The following DNAH10 variants were observed in gnomAD, a reference collection of about 807,000 sequenced individuals.
The protein encoded by DNAH10 is axonemal beta dynein heavy chain 10.
DNAH10 carries 348 observed loss-of-function variants against 506.6 expected under a neutral mutation model. The observed-to-expected ratio is 0.69, with a 90% CI of 0.63 to 0.75. The LOEUF is 0.75. Ranked by LOEUF, DNAH10 falls within the 30% of genes least tolerant of loss-of-function variation. DNAH10 has a pLI of 0.00. For missense variants in DNAH10, 5,179 were observed against 5,787.1 expected, an observed-to-expected ratio of 0.89 and a Z score of 3.41; for synonymous variants, 2,059 against 2,198.6, an observed-to-expected ratio of 0.94 and a Z score of 1.78.
In DNAH10 at chr12:123,844,611, G is replaced by A. The variant is rs551356885; in HGVS notation, c.5361-989G>A. Among the ~76,000 whole-genome samples the A allele has an allele frequency of 5.3e-5, 8 of 152,310 alleles. No homozygotes were observed. In the South Asian group the frequency reaches 1.7e-3, roughly 32 times the overall value. On this transcript the variant is annotated intron_variant, in intron 30 of 78. Transcript: ENST00000673944. The stretch of plus-strand genomic sequence containing the variant: ...CTGGCCTGCAAACCTGGGCAGTGTG[G>A]TCAGAGATTATGAAATTCTTTGTTG...
intron 24 of DNAH10, among the ~76,000 whole-genome samples, chr12:123,823,779 A>G (rs941407503): frequency 1.3e-5 from 2 of 152,134 alleles, no homozygotes; most frequent in Non-Finnish European, 2.9e-5. Context: ...TCCTTTAGTT[A>G]TTTAAAAATA....
At chr12:123,840,011 A>G (rs1245720662) in intron 29 of DNAH10, among the ~76,000 whole-genome samples, 1 of 152,142 alleles carries the variant, frequency 6.6e-6, no homozygotes, top group South Asian at 2.1e-4. Context: ...CAGCCTGGGC[A>G]GGGGCTCTGA....
In DNAH10 at chr12:123,827,662, C is replaced by G. The variant is rs141128035; in HGVS notation, c.4391+764C>G. ...GTTTTCCAAAGTGTGGTCATCTAGT[C>G]ATGCCATGACATCAAGTGACTTCAT... On this transcript the variant is annotated intron_variant, in intron 25 of 78. Transcript: ENST00000673944. Among the ~76,000 whole-genome samples, 6 of 152,322 alleles carry G rather than the reference C, an allele frequency of 3.9e-5. No individual in the cohort carries two copies. The East Asian group carries it at 9.6e-4, about 24-fold the overall frequency.
intron 41 of DNAH10, 62 bp downstream of exon 41, chr12:123,866,135 A>G: frequency 1.5e-6 from 2 of 1,355,542 alleles, no homozygotes; most frequent in Non-Finnish European, 1.9e-6. Context: ...TGGATAACAT[A>G]GTCCAGAGGG....
chr12:123,881,191 C>A (rs1265317695), intron 50 of DNAH10, among the ~76,000 whole-genome samples: 2 of 152,146 alleles, frequency 1.3e-5, no homozygotes, highest in African/African-American at 4.8e-5. Flanking sequence ...GGGTCAAACA[C>A]TATTTCTAGT....
intron 46 of DNAH10, 33 bp from the exon 47 acceptor site, chr12:123,875,198 A>G (rs771625551): frequency 1.3e-6 from 2 of 1,579,968 alleles, no homozygotes; most frequent in Non-Finnish European, 1.7e-6. Context: ...TTGCGATACT[A>G]CTGTTCTCTT....
At position 123,902,918 on chromosome 12, in the gene DNAH10, AC is replaced by A; in HGVS notation, c.9641-16del. On this transcript the variant is annotated intron_variant, in intron 56 of 78. Transcript: ENST00000673944. This position sits in a 1 kb window ranked among gnomAD's most constrained non-coding sequence, Gnocchi z 4.5. ...TCTCCTCTGAGCCCAAGCTTTACTC[AC>A]CCCCTGTCCTACCCTGCAGCCGAGG... is the stretch of plus-strand genomic sequence containing the variant. 2 of 1,562,646 alleles carry A rather than the reference AC, an allele frequency of 1.3e-6. No homozygotes were observed. Among genetic ancestry groups the A allele is most frequent in the East Asian group, 2.4e-5 (1 of 41,822 alleles).
Position 123,934,602 on chromosome 12 carries a change from C to A in DNAH10, c.13478-19C>A. On this transcript the variant is annotated intron_variant, in intron 77 of 78. Transcript: ENST00000673944. The stretch of plus-strand genomic sequence containing the variant: ...TGTGCATGCTCCAGTTGTATCCAGT[C>A]TCTGCCTTGTGTCCCTAGGATGCTT... 6.2e-7 allele frequency: 1 copy of A among 1,612,524 alleles called. No individual in the cohort carries two copies. Among genetic ancestry groups the A allele is most frequent in the Non-Finnish European group, 8.5e-7 (1 of 1,179,318 alleles).
intron 25 of DNAH10, 55 bp from the exon 26 acceptor site, chr12:123,830,491 G>A (rs151048989): frequency 0.011 from 16,302 of 1,513,216 alleles, 113 homozygotes; most frequent in Non-Finnish European, 0.012. Flanking sequence ...GGGAGTAATT[G>A]AACTCCTCAC....
rs200194723 is a variant in DNAH10 at position 123,914,805 on chromosome 12, C to T, written c.10575-47C>T. ...GTCCTACCACCCTTAGCCCTTGGCT[C>T]ACAAATTGGTGAGAAAAATTCATTT... On this transcript the variant is annotated intron_variant, in intron 61 of 78. Coordinates refer to ENST00000673944, the MANE Select transcript of DNAH10 (RefSeq NM_001372106.1). 70 of 1,598,492 alleles carry T rather than the reference C, an allele frequency of 4.4e-5. No homozygotes were observed. In the African/African-American group the frequency reaches 5.7e-4, roughly 13 times the overall value.
chr12:123,874,387 TTACC>T (rs967965704), intron 46 of DNAH10, among the ~76,000 whole-genome samples: 5 of 151,594 alleles, frequency 3.3e-5, no homozygotes, highest in Admixed American at 2.0e-4. Context: ...CATCTGCTAT[TTACC>T]TACCTATCTG....
chr12:123,921,111 T>G (rs1954700719), intron 65 of DNAH10, among the ~76,000 whole-genome samples: 1 of 152,198 alleles, frequency 6.6e-6, no homozygotes, highest in Non-Finnish European at 1.5e-5. Context: ...CCTACCTGAT[T>G]GCTGGGTTGT....
At position 123,934,753 on chromosome 12, in the gene DNAH10, G is replaced by C. The variant is rs767834723; in HGVS notation, c.13610G>C (p.Arg4537Pro). Residue 4537 changes from arginine (R) to proline (P), a missense_variant, in exon 78 of 79, where the codon CGC (arginine) becomes CCC (proline). This residue lies in a region of DNAH10 where 4,844 missense variants were observed against 5,430.5 expected (regional missense o/e 0.89). Transcript: ENST00000673944. ...ILKIIPIEAH[R>P]LKLQNTFRTP... ...AAGATCATCCCCATTGAAGCCCATC[G>C]CCTCAAGCTGCAGGTGAAGGTCCCA... is the stretch of plus-strand genomic sequence containing the variant. 7 of 1,613,702 alleles carry C rather than the reference G, an allele frequency of 4.3e-6. No individual in the cohort carries two copies. The highest frequency in any genetic ancestry group is 5.1e-6 in the Non-Finnish European group (6 of 1,179,874).
At chr12:123,806,776 T>G (rs1170981863) in intron 18 of DNAH10, among the ~76,000 whole-genome samples, 1 of 151,662 alleles carries the variant, frequency 6.6e-6, no homozygotes, top group Non-Finnish European at 1.5e-5. Context: ...ATGTTTTTTT[T>G]TTTTTTTTTG....
At chr12:123,815,452 A>G (rs1959111814) in intron 21 of DNAH10, among the ~76,000 whole-genome samples, 1 of 152,182 alleles carries the variant, frequency 6.6e-6, no homozygotes, top group African/African-American at 2.4e-5. Flanking sequence ...ACACCATTTT[A>G]TAAACTGTGA....
Position 123,867,908 on chromosome 12 carries a change from C to T in DNAH10, c.7308C>T (p.Thr2436=), listed in dbSNP as rs774286721. 1 of 1,612,748 alleles carries T rather than the reference C, an allele frequency of 6.2e-7. No homozygotes were observed. The highest frequency in any genetic ancestry group is 2.2e-5 in the East Asian group (1 of 44,900). Residue 2436 remains threonine, a synonymous_variant, in exon 43 of 79, where the codon ACC becomes ACT. Transcript: ENST00000673944. The part of the protein sequence containing the change: ...IVPQTDLNMV[T]QLAKMLDALL... ...GATATTTTCCTGTGAACCAGGTAAC[C>T]CAGTTAGCCAAGATGTTGGATGCGT...
chr12:123,897,789 G>T lies in DNAH10; in HGVS notation c.9300G>T (p.Pro3100=), dbSNP rs767718209. The T allele has an allele frequency of 1.9e-6, 3 of 1,607,644 alleles. No homozygotes were observed. Among genetic ancestry groups the T allele is most frequent in the Non-Finnish European group, 1.7e-6 (2 of 1,178,450 alleles). ...KSFLGYNPMI[P]AENIENVVKH... ...CTTCAGGGTATAATCCAATGATCCCGGCAGAAAATATAGAAAATGTGGTGA... is the reference window on the plus strand; with the variant it reads ...CTTCAGGGTATAATCCAATGATCCCTGCAGAAAATATAGAAAATGTGGTGA... Residue 3100 remains proline, a synonymous_variant, in exon 55 of 79, where the codon CCG becomes CCT. Coordinates refer to ENST00000673944, the MANE Select transcript of DNAH10 (RefSeq NM_001372106.1).
chr12:123,810,355 C>G (rs1379387190), intron 19 of DNAH10, among the ~76,000 whole-genome samples: 1 of 152,122 alleles, frequency 6.6e-6, no homozygotes, highest in South Asian at 2.1e-4. Context: ...GTTTAGAAAT[C>G]AGAATAGGGA....
chr12:123,923,516 T>C (rs1954816786), intron 65 of DNAH10: 1 of 332,514 alleles, frequency 3.0e-6, no homozygotes, highest in African/African-American at 2.2e-5. Flanking sequence ...TGATTTTACC[T>C]CCTGTAGACA....
Sources: gnomAD v4.1 joint callset for allele counts (sites outside exome capture counted in the v4.1 genomes callset) on GRCh38, gnomAD v4.1.1 for gene constraint, gnomAD v4.1.1 regional missense constraint, Gnocchi (gnomAD v3.1) non-coding constraint, MANE v1.5 for transcripts, NCBI Gene and HGNC (gene_info 2026-07-23, HGNC 2026-07-21) for gene names.